UBE2Q2: variants seen among roughly 807,000 people sequenced by gnomAD.
The protein encoded by UBE2Q2 is ubiquitin-conjugating enzyme E2 Q2.
UBE2Q2 carries 54 observed loss-of-function variants against 59.9 expected under a neutral mutation model. The ratio of observed to expected loss-of-function variants is 0.90; its 90% confidence interval spans 0.72 to 1.13. UBE2Q2 has a LOEUF of 1.13. UBE2Q2 is among the 50% of genes most tolerant of loss of function. UBE2Q2 has a pLI of 0.00. For missense variants in UBE2Q2, 433 were observed against 441.9 expected (o/e 0.98, Z 0.18); for synonymous variants, 165 against 155.2 (o/e 1.06, Z -0.47).
intron 8 of UBE2Q2, among the ~76,000 whole-genome samples, chr15:75,880,667 A>G (rs965991688): frequency 6.6e-6 from 1 of 151,844 alleles, no homozygotes; most frequent in African/African-American, 2.4e-5. Context: ...TGTCCGCATA[A>G]TTTTTGTATT....
intron 8 of UBE2Q2, among the ~76,000 whole-genome samples, chr15:75,880,535 G>A (rs896060175): frequency 3.3e-5 from 5 of 150,464 alleles, no homozygotes; most frequent in African/African-American, 1.2e-4. Context: ...AGGCTGGAGT[G>A]CAGTGGCCCA....
intron 4 of UBE2Q2, 51 bp downstream of exon 4, chr15:75,869,061 A>AT: frequency 6.8e-7 from 1 of 1,459,956 alleles, no homozygotes; most frequent in Non-Finnish European, 9.4e-7. Context: ...ATTTTTGAAC[A>AT]TTTGAGTAAT....
chr15:75,880,483 GA>G (rs1362250044), intron 8 of UBE2Q2, among the ~76,000 whole-genome samples: 160 of 145,102 alleles, frequency 1.1e-3, no homozygotes, highest in African/African-American at 3.5e-3. Flanking sequence ...AAATGTTAAT[GA>G]TTTTTTTTTT....
intron 3 of UBE2Q2, among the ~76,000 whole-genome samples, chr15:75,866,913 T>C (rs1897520854): frequency 6.6e-6 from 1 of 152,260 alleles, no homozygotes. Context: ...TTAGTAATGC[T>C]TCAGATCAAT....
chr15:75,856,451 A>G (rs1420120119), intron 2 of UBE2Q2, among the ~76,000 whole-genome samples: 1 of 152,152 alleles, frequency 6.6e-6, no homozygotes, highest in Non-Finnish European at 1.5e-5. Flanking sequence ...CCAGACAGAT[A>G]AAGGCAATGG....
chr15:75,897,302 T>G (rs978058780), intron 12 of UBE2Q2, among the ~76,000 whole-genome samples: 2 of 152,106 alleles, frequency 1.3e-5, no homozygotes, highest in Non-Finnish European at 2.9e-5. Context: ...GCAGTGGCAC[T>G]ATCTCAGCTC....
At chr15:75,887,566 C>CTT (rs754466511) in intron 9 of UBE2Q2, among the ~76,000 whole-genome samples, 18 of 143,750 alleles carry the variant, frequency 1.3e-4, no homozygotes, top group African/African-American at 3.6e-4. Flanking sequence ...GGCCACAGAT[C>CTT]TTTTTTTTTT....
At chr15:75,860,121 G>T in intron 3 of UBE2Q2, 139 bp downstream of exon 3, 1 of 694,868 alleles carries the variant, frequency 1.4e-6, no homozygotes, top group East Asian at 3.0e-5. Flanking sequence ...TGTTTTGTTT[G>T]TTCTGTTTTA....
chr15:75,863,414 A>G (rs950397403), intron 3 of UBE2Q2, among the ~76,000 whole-genome samples: 18 of 150,696 alleles, frequency 1.2e-4, no homozygotes, highest in African/African-American at 3.4e-4. Context: ...TGTGTTCAGT[A>G]TTCACTTTTC....
chr15:75,900,451 C>T lies in UBE2Q2; in HGVS notation c.*993C>T, dbSNP rs930417096. 6.6e-6 allele frequency: 1 copy of T among 152,572 alleles called. No homozygotes were observed. Among genetic ancestry groups the T allele is most frequent in the Non-Finnish European group, 1.5e-5 (1 of 68,026 alleles). 9.5% of individuals were successfully genotyped at this position (152,572 alleles called of 1,614,324 possible). On this transcript the variant is annotated 3_prime_UTR_variant, in exon 13 of 13. Coordinates refer to ENST00000267938, the MANE Select transcript of UBE2Q2 (RefSeq NM_173469.4). ...GTTAATTTTTTTATAGAACCTGACT[C>T]AAATCAAGGTACTCTCCATTTTATT...
At chr15:75,864,438 A>ATCT in intron 3 of UBE2Q2, among the ~76,000 whole-genome samples, 1 of 152,078 alleles carries the variant, frequency 6.6e-6, no homozygotes, top group Non-Finnish European at 1.5e-5. Context: ...ACACAGGAGA[A>ATCT]CCCTCCACAA....
At chr15:75,858,773 G>T (rs192874046) in intron 2 of UBE2Q2, among the ~76,000 whole-genome samples, 1 of 152,332 alleles carries the variant, frequency 6.6e-6, no homozygotes, top group Admixed American at 6.5e-5. Flanking sequence ...TATGCACTTA[G>T]CACGCAATAG....
intron 4 of UBE2Q2, among the ~76,000 whole-genome samples, chr15:75,873,220 C>T (rs569446915): frequency 1.4e-4 from 21 of 152,222 alleles, no homozygotes; most frequent in Non-Finnish European, 2.4e-4. Context: ...CTGCTTTACC[C>T]AGAGTCTAGA....
At chr15:75,850,415 T>TA (rs1896572703) in intron 1 of UBE2Q2, among the ~76,000 whole-genome samples, 2 of 152,202 alleles carry the variant, frequency 1.3e-5, no homozygotes, top group South Asian at 4.1e-4. Flanking sequence ...ACTTACTCCT[T>TA]ACGTGTAGGC....
chr15:75,882,666 C>CTT (rs1898498723), intron 8 of UBE2Q2, among the ~76,000 whole-genome samples: 1 of 151,930 alleles, frequency 6.6e-6, no homozygotes, highest in Admixed American at 6.5e-5. Flanking sequence ...AAGTTGGTAT[C>CTT]TTGTGTCATT....
chr15:75,845,678 T>C (rs1896307963), intron 1 of UBE2Q2, among the ~76,000 whole-genome samples: 3 of 152,220 alleles, frequency 2.0e-5, no homozygotes, highest in African/African-American at 7.2e-5. Context: ...TGGGGTGGTC[T>C]TATTGCTGTG....
chr15:75,893,336 A>G (rs2141673362), intron 11 of UBE2Q2, among the ~76,000 whole-genome samples: 1 of 152,352 alleles, frequency 6.6e-6, no homozygotes, highest in East Asian at 1.9e-4. Flanking sequence ...CAAACAAAAT[A>G]GGATTCTGGA....
At chr15:75,878,246 G>T (rs1254889663) in intron 7 of UBE2Q2, 3 of 509,852 alleles carry the variant, frequency 5.9e-6, no homozygotes, top group Non-Finnish European at 6.9e-6. Context: ...GCGGGATAAA[G>T]TGTTTTATGG....
At chr15:75,893,790 T>C (rs1275692907) in intron 11 of UBE2Q2, among the ~76,000 whole-genome samples, 3 of 152,214 alleles carry the variant, frequency 2.0e-5, no homozygotes, top group African/African-American at 7.2e-5. Context: ...GCTATGTGAA[T>C]TTGGAAATTA....
Sources: allele counts gnomAD v4.1 joint callset (sites outside exome capture counted in the v4.1 genomes callset), GRCh38; gene constraint gnomAD v4.1.1; transcripts MANE v1.5; gene names NCBI Gene and HGNC (gene_info 2026-07-23, HGNC 2026-07-21).